VARS2: variants seen among roughly 807,000 people sequenced by gnomAD.
The protein encoded by VARS2 is valyl-tRNA synthetase 2, mitochondrial, also known as valine--tRNA ligase, mitochondrial.
A neutral mutation model predicts 154.1 loss-of-function variants in VARS2; 105 were observed. The ratio of observed to expected loss-of-function variants is 0.68; its 90% CI spans 0.58 to 0.80. The LOEUF (loss-of-function observed/expected upper bound fraction) is 0.80, where lower values mean the gene tolerates loss of function less well. Among genes scored for constraint, VARS2 ranks in the 30% least tolerant of loss-of-function variants. The probability of loss-of-function intolerance (pLI) is 0.00; values close to 1 mark genes in which losing one functional copy is unlikely to be tolerated. For synonymous variants in VARS2, 483 were observed against 539.5 expected, an observed-to-expected ratio of 0.90 and a Z score of 1.45; for missense variants, 1,157 against 1,361.4, an observed-to-expected ratio of 0.85 and a Z score of 2.36.
Position 30,926,123 on chromosome 6 carries a change from G to T in VARS2, c.3105G>T (p.Gln1035His). 1 of 1,613,120 alleles carries T rather than the reference G, an allele frequency of 6.2e-7. No homozygotes were observed. Among genetic ancestry groups the T allele is most frequent in the South Asian group, 1.1e-5 (1 of 91,090 alleles). Residue 1035 changes from glutamine (Q) to histidine (H), a missense_variant, in exon 30 of 30, where the codon CAG becomes CAT. Gln to His is a conservative substitution (Grantham distance 24, BLOSUM62 0). Transcript: ENST00000676266. ...TQRQQKLSSL[Q>H]LELSKLDKAA... ...TCCTCGTCCAGCTTTCTTCCCTCCAGCTGGAATTGTCAAAACTGGACAAGG... is the reference window on the plus strand; with the variant it reads ...TCCTCGTCCAGCTTTCTTCCCTCCATCTGGAATTGTCAAAACTGGACAAGG...
chr6:30,922,381 G>C (rs143118915), intron 20 of VARS2, 69 bp from the exon 21 acceptor site: 8 of 1,606,712 alleles, frequency 5.0e-6, no homozygotes, highest in Non-Finnish European at 6.8e-6. Flanking sequence ...ACCCCCAAAA[G>C]TATGGAGGCC....
In VARS2 at chr6:30,919,886, T is replaced by G; in HGVS notation, c.1165+38T>G. ...CAGGGGAGGGAGAGAAAGTTGGGGGTCCTGGAGGAGAGGGGAGGGAACCAG... is the reference window on the plus strand; with the variant it reads ...CAGGGGAGGGAGAGAAAGTTGGGGGGCCTGGAGGAGAGGGGAGGGAACCAG... On this transcript the variant is annotated intron_variant, in intron 12 of 29. Transcript: ENST00000676266. This position sits in a 1 kb window ranked among gnomAD's most constrained non-coding sequence, Gnocchi z 4.5. 2 of 1,513,764 alleles carry G rather than the reference T, an allele frequency of 1.3e-6. No individual in the cohort carries two copies. Among genetic ancestry groups the G allele is most frequent in the East Asian group, 2.4e-5 (1 of 42,320 alleles). 93.8% of individuals were successfully genotyped at this position (1,513,764 alleles called of 1,614,324 possible).
rs754570639 is a variant in VARS2, at chr6:30,923,497, G to A, written c.2458G>A (p.Val820Ile). The A allele has an allele frequency of 4.3e-6, 7 of 1,609,632 alleles. No individual in the cohort carries two copies. Among genetic ancestry groups the A allele is most frequent in the Non-Finnish European group, 5.1e-6 (6 of 1,178,686 alleles). The change falls in exon 25 of 30, where the codon GTC becomes ATC. Residue 820 changes from valine (V) to isoleucine (I), a missense_variant. Transcript: ENST00000676266. ...HHFWLHNLCD[V>I]YLEAVKPVLW... ...CTTCTGGCTTCACAACCTCTGTGAC[G>A]TCTACCTGGTGAGTGAGGCTGGGGG...
At chr6:30,922,062 G>C (rs1425851272) in intron 19 of VARS2, 54 bp from the exon 20 acceptor site, 8 of 1,612,566 alleles carry the variant, frequency 5.0e-6, no homozygotes, top group Non-Finnish European at 6.8e-6. Flanking sequence ...GGCCCCCACA[G>C]AGGCTTGAGG....
chr6:30,917,114 G>A lies in VARS2; in HGVS notation c.763G>A (p.Val255Met). ...ACTCAGGTCATTCCAGGGCTCCTCA[G>A]TGGCTGTGACTGAAGCTTTTGTGCG... ...ECFTMDVGSS[V>M]AVTEAFVRLY... is the part of the protein sequence containing the mutation. The change falls in exon 9 of 30, where the codon GTG becomes ATG. Residue 255 changes from valine to methionine, a missense_variant. Coordinates refer to ENST00000676266, the MANE Select transcript of VARS2 (RefSeq NM_020442.6). This position sits in a 1 kb window ranked among gnomAD's most constrained non-coding sequence, Gnocchi z 4.4. 1 of 1,614,220 alleles carries A rather than the reference G, an allele frequency of 6.2e-7. No homozygotes were observed. The highest frequency in any genetic ancestry group is 8.5e-7 in the Non-Finnish European group (1 of 1,180,044).
Position 30,914,927 on chromosome 6 carries a change from C to T in VARS2, c.91C>T (p.Gln31Ter). 6.2e-7 allele frequency: 1 copy of T among 1,613,094 alleles called. No individual in the cohort carries two copies. The highest frequency in any genetic ancestry group is 8.5e-7 in the Non-Finnish European group (1 of 1,180,046). Residue 31 changes from glutamine (Q) to a stop codon, truncating the protein, a stop_gained, in exon 2 of 30, where the codon CAG (glutamine) becomes TAG (stop). Transcript: ENST00000676266. LOFTEE classifies it high-confidence loss of function. Reference protein sequence around the residue: ...GLPRFHSVSTQSEPHGSPISR... With the variant: ...GLPRFHSVST ...CCCCAGGTTTCACTCCGTTTCTACA[C>T]AGTCGGAGCCCCATGGATCTCCCAT...
At chr6:30,922,318 A>C in intron 20 of VARS2, 77 bp downstream of exon 20, 2 of 1,595,420 alleles carry the variant, frequency 1.3e-6, no homozygotes, top group Non-Finnish European at 1.7e-6. Context: ...CTAACCCCTA[A>C]TGTGGTCCTT....
At position 30,926,165 on chromosome 6, in the gene VARS2, G is replaced by A. The variant is rs971766814; in HGVS notation, c.3147G>A (p.Arg1049=). The A allele has an allele frequency of 4.3e-6, 7 of 1,612,970 alleles. No homozygotes were observed. The African/African-American group carries it at 8.0e-5, about 18-fold the overall frequency. ...TGGACAAGGCAGCCTCTCACCTCCG[G>A]CAGCTGATGGATGAGCCTCCAGCCC... ...SKLDKAASHL[R]QLMDEPPAPG... Residue 1049 remains arginine (R), a synonymous_variant, in exon 30 of 30, where the codon CGG becomes CGA. Coordinates refer to ENST00000676266, the MANE Select transcript of VARS2 (RefSeq NM_020442.6).
Position 30,925,332 on chromosome 6 carries a change from A to G in VARS2, c.2732A>G (p.Gln911Arg). ...RRFSRVQEVV[Q>R]VLRALRATYQ... is the part of the protein sequence containing the mutation. ...TTCTCCCGGGTCCAAGAGGTCGTGC[A>G]GGTGCTAAGGGCTCTCCGAGCCACG... The change falls in exon 27 of 30, where the codon CAG becomes CGG. Residue 911 changes from glutamine to arginine, a missense_variant. Transcript: ENST00000676266. The G allele has an allele frequency of 6.2e-7, 1 of 1,612,662 alleles. No individual in the cohort carries two copies. The highest frequency in any genetic ancestry group is 8.5e-7 in the Non-Finnish European group (1 of 1,179,842).
At position 30,918,904 on chromosome 6, in the gene VARS2, T is replaced by C. The variant is rs1485283019; in HGVS notation, c.1063T>C (p.Ser355Pro). 1.9e-6 allele frequency: 3 copies of C among 1,612,838 alleles called. No individual in the cohort carries two copies. Among genetic ancestry groups the C allele is most frequent in the East Asian group, 4.5e-5 (2 of 44,880 alleles). ...GGCTGTGGCCGTTCATCCAGACGACTCGCGATACACAGTAATACCCAGTGC... is the reference window on the plus strand; with the variant it reads ...GGCTGTGGCCGTTCATCCAGACGACCCGCGATACACAGTAATACCCAGTGC... ...DVAVAVHPDD[S>P]RYTHLHGRQL... is the part of the protein sequence containing the mutation. Residue 355 changes from serine (S) to proline (P), a missense_variant, in exon 11 of 30, where the codon TCG (serine) becomes CCG (proline). Ser to Pro is a moderately conservative substitution (Grantham distance 74, BLOSUM62 -1). Transcript: ENST00000676266.
At chr6:30,914,490 G>C (rs777989852) in intron 1 of VARS2, 146 bp downstream of exon 1, 12 of 1,331,456 alleles carry the variant, frequency 9.0e-6, no homozygotes, top group South Asian at 8.7e-5. Context: ...CCGCGGCCCT[G>C]GCGGGACTCC....
At position 30,914,315 on chromosome 6, in the gene VARS2, G is replaced by A. The variant is rs1406956549; in HGVS notation, c.-57G>A. The A allele has an allele frequency of 8.7e-7, 1 of 1,155,530 alleles. No homozygotes were observed. Among genetic ancestry groups the A allele is most frequent in the African/African-American group, 1.6e-5 (1 of 62,874 alleles). 71.6% of individuals were successfully genotyped at this position (1,155,530 alleles called of 1,614,324 possible). On this transcript the variant is annotated 5_prime_UTR_variant, in exon 1 of 30. Coordinates refer to ENST00000676266, the MANE Select transcript of VARS2 (RefSeq NM_020442.6). ...GATTCCTCAGTCCCTGCCGCCGCGGGGCGCCCTGGGATAGCGGCGGGGCCT... is the reference window on the plus strand; with the variant it reads ...GATTCCTCAGTCCCTGCCGCCGCGGAGCGCCCTGGGATAGCGGCGGGGCCT...
intron 19 of VARS2, 40 bp downstream of exon 19, chr6:30,922,035 TAAGG>T: frequency 6.2e-7 from 1 of 1,612,278 alleles, no homozygotes; most frequent in Non-Finnish European, 8.5e-7. Context: ...GGGGAAACGA[TAAGG>T]AAGGGATGGC....
Position 30,919,542 on chromosome 6 carries a change from C to T in VARS2, c.1075-216C>T. 2.3e-6 allele frequency: 1 copy of T among 430,216 alleles called. No individual in the cohort carries two copies. The highest frequency in any genetic ancestry group is 4.1e-6 in the Non-Finnish European group (1 of 242,158). 26.6% of individuals were successfully genotyped at this position (430,216 alleles called of 1,614,324 possible). ...TTATATACCCTCTCCAGCTCTGCTGCAGTGGCATAATAGAGTAATTGTGCT... is the reference window on the plus strand; with the variant it reads ...TTATATACCCTCTCCAGCTCTGCTGTAGTGGCATAATAGAGTAATTGTGCT... On this transcript the variant is annotated intron_variant, in intron 11 of 29. Coordinates refer to ENST00000676266, the MANE Select transcript of VARS2 (RefSeq NM_020442.6). This position sits in a 1 kb window ranked among gnomAD's most constrained non-coding sequence, Gnocchi z 4.5.
At position 30,920,998 on chromosome 6, in the gene VARS2, C is replaced by A; in HGVS notation, c.1480-67C>A. 6.7e-7 allele frequency: 1 copy of A among 1,489,726 alleles called. No homozygotes were observed. Among genetic ancestry groups the A allele is most frequent in the Non-Finnish European group, 9.1e-7 (1 of 1,101,808 alleles). 92.3% of individuals were successfully genotyped at this position (1,489,726 alleles called of 1,614,324 possible). A position where few individuals can be genotyped will look rare whatever the true frequency, so the allele number is the denominator to read the frequency against. ...TTTTAAAATGACCTCAGAGGCCACT[C>A]GTCCTATCTGTGGAGGTGCGGCCGT... On this transcript the variant is annotated intron_variant, in intron 15 of 29. Transcript: ENST00000676266. The surrounding 1 kb of genome is among the most constrained non-coding windows in gnomAD (Gnocchi z 4.6).
chr6:30,923,551 A>C (rs1301572859), intron 25 of VARS2, 46 bp downstream of exon 25: 1 of 1,581,438 alleles, frequency 6.3e-7, no homozygotes, highest in East Asian at 2.3e-5. Context: ...CCTGCTTCTA[A>C]TTCCTCTGGA....
chr6:30,920,300 C>T lies in VARS2; in HGVS notation c.1294-33C>T. ...CCTAGTTTCTTATTTCTCTAGAGGC[C>T]TTCAGTCTTTACTCTTGCCGCTTTT... is the stretch of plus-strand genomic sequence containing the variant. On this transcript the variant is annotated intron_variant, in intron 13 of 29. Transcript: ENST00000676266. This position sits in a 1 kb window ranked among gnomAD's most constrained non-coding sequence, Gnocchi z 4.6. 6.3e-7 allele frequency: 1 copy of T among 1,591,928 alleles called. No individual in the cohort carries two copies.
chr6:30,925,791 C>T (rs2150571365), intron 28 of VARS2, 72 bp downstream of exon 28: 1 of 1,610,748 alleles, frequency 6.2e-7, no homozygotes, highest in East Asian at 2.2e-5. Context: ...GGGCTGGGCT[C>T]TATAAAGTAG....
Position 30,915,813 on chromosome 6 carries a change from C to T in VARS2, c.452C>T (p.Ser151Phe), listed in dbSNP as rs1189970971. ...ATCCCACCTCCCAATGTCACTGGCTCCCTGCACATTGGCCACGCACTCACG... is the reference window on the plus strand; with the variant it reads ...ATCCCACCTCCCAATGTCACTGGCTTCCTGCACATTGGCCACGCACTCACG... The part of the protein sequence containing the change: ...MCIPPPNVTG[S>F]LHIGHALTVA... Residue 151 changes from serine (S) to phenylalanine (F), a missense_variant, in exon 5 of 30, where the codon TCC becomes TTC. By Grantham distance (155) the Ser-to-Phe change is radical (BLOSUM62 -2). Transcript: ENST00000676266. 1.9e-6 allele frequency: 3 copies of T among 1,614,110 alleles called. No individual in the cohort carries two copies. The highest frequency in any genetic ancestry group is 1.3e-5 in the African/African-American group (1 of 75,026).
Sources: gnomAD v4.1 joint callset for allele counts on GRCh38, gnomAD v4.1.1 for gene constraint, Gnocchi (gnomAD v3.1) non-coding constraint, MANE v1.5 for transcripts, NCBI Gene and HGNC (gene_info 2026-07-23, HGNC 2026-07-21) for gene names.